RAG1: variants seen among roughly 807,000 people sequenced by gnomAD.
RAG1 encodes the protein recombination activating 1, also known as V(D)J recombination-activating protein 1.
A neutral mutation model predicts 62.7 loss-of-function variants in RAG1; 35 were observed. The ratio of observed to expected loss-of-function variants is 0.56; its 90% CI spans 0.43 to 0.74. The LOEUF is 0.74. Among genes scored for constraint, RAG1 ranks in the 30% least tolerant of loss-of-function variants. The pLI, the probability that RAG1 is intolerant of heterozygous loss-of-function variation, is 0.00. For synonymous variants in RAG1, 461 were observed against 470.3 expected (o/e 0.98, Z 0.26); for missense variants, 1,169 against 1,278.6 (o/e 0.91, Z 1.31).
At chr11:36,561,301 C>G (rs1040720015) in intron 3 of RAG1, among the ~76,000 whole-genome samples, 18 of 152,322 alleles carry the variant, frequency 1.2e-4, no homozygotes, top group African/African-American at 4.3e-4. Flanking sequence ...TCTCCTACAA[C>G]TTCCTTTTCC....
intron 2 of RAG1, among the ~76,000 whole-genome samples, chr11:36,524,566 C>T (rs985413511): frequency 1.3e-5 from 2 of 151,384 alleles, no homozygotes; most frequent in Non-Finnish European, 2.9e-5. Flanking sequence ...GTGCACACTG[C>T]AGGCTCCACC....
At chr11:36,542,632 C>T (rs936939638) in intron 3 of RAG1, among the ~76,000 whole-genome samples, 7 of 152,102 alleles carry the variant, frequency 4.6e-5, no homozygotes, top group African/African-American at 1.7e-4. Flanking sequence ...TCCCAGAAGA[C>T]AGGGAGAAGA....
rs765134146 is a variant in RAG1 at position 36,575,324 on chromosome 11, A to G, written c.2020A>G (p.Ile674Val). 2 of 1,614,090 alleles carry G rather than the reference A, an allele frequency of 1.2e-6. No individual in the cohort carries two copies. Among genetic ancestry groups the G allele is most frequent in the East Asian group, 2.2e-5 (1 of 44,890 alleles). Residue 674 changes from isoleucine to valine, a missense_variant, in exon 2 of 2, where the codon ATC becomes GTC. Transcript: ENST00000299440. The surrounding 1 kb of genome is among the most constrained non-coding windows in gnomAD (Gnocchi z 4.1). Reference sequence around the variant, plus strand: ...GTCTGACCACGAGACGCTGACTGCCATCCTGAGTCCTCTCATTGCTGAGAG... The same window carrying G: ...GTCTGACCACGAGACGCTGACTGCCGTCCTGAGTCCTCTCATTGCTGAGAG... Reference protein sequence around the residue: ...DESDHETLTAILSPLIAEREA... With the variant: ...DESDHETLTAVLSPLIAEREA...
chr11:36,519,861 CAAGAG>C (rs1860050982), intron 1 of RAG1, among the ~76,000 whole-genome samples: 1 of 152,008 alleles, frequency 6.6e-6, no homozygotes, highest in Admixed American at 6.6e-5. Context: ...AATTCACAGA[CAAGAG>C]AAAATAGTCA....
At chr11:36,511,780 C>A (rs1859926494) in intron 1 of RAG1, among the ~76,000 whole-genome samples, 1 of 152,098 alleles carries the variant, frequency 6.6e-6, no homozygotes, top group Non-Finnish European at 1.5e-5. Flanking sequence ...AAGAAAAGAT[C>A]ATTATATGAA....
intron 2 of RAG1, among the ~76,000 whole-genome samples, chr11:36,523,674 C>G (rs1860115270): frequency 6.6e-6 from 1 of 152,170 alleles, no homozygotes. Context: ...GGATGTTTGG[C>G]TTGGGCTTCC....
chr11:36,574,096 G>C lies in RAG1; in HGVS notation c.792G>C (p.Lys264Asn). 6.2e-7 allele frequency: 1 copy of C among 1,614,212 alleles called. No homozygotes were observed. Among genetic ancestry groups the C allele is most frequent in the Non-Finnish European group, 8.5e-7 (1 of 1,180,042 alleles). Reference sequence around the variant, plus strand: ...GGATCAGCAGCAAGGATGTCATGAAGAAGATCGCCAACTGCAGTAAGATAC... The same window carrying C: ...GGATCAGCAGCAAGGATGTCATGAACAAGATCGCCAACTGCAGTAAGATAC... ...QARISSKDVM[K>N]KIANCSKIHL... The change falls in exon 2 of 2, where the codon AAG (lysine) becomes AAC (asparagine). Residue 264 changes from lysine to asparagine, a missense_variant. Coordinates refer to ENST00000299440, the MANE Select transcript of RAG1 (RefSeq NM_000448.3).
At chr11:36,547,544 G>A (rs981326592) in intron 3 of RAG1, among the ~76,000 whole-genome samples, 71 of 152,064 alleles carry the variant, frequency 4.7e-4, no homozygotes, top group African/African-American at 1.7e-3. Flanking sequence ...ATAAATTCAT[G>A]GACACATATA....
chr11:36,562,275 C>A (rs771357462), intron 3 of RAG1, among the ~76,000 whole-genome samples: 20 of 152,122 alleles, frequency 1.3e-4, no homozygotes, highest in Non-Finnish European at 2.5e-4. Context: ...CTGAGAAAGA[C>A]TGTAAGAGGA....
At chr11:36,543,528 C>T (rs1299699149) in intron 3 of RAG1, among the ~76,000 whole-genome samples, 2 of 152,188 alleles carry the variant, frequency 1.3e-5, no homozygotes, top group African/African-American at 2.4e-5. Flanking sequence ...TCTGTTGTGG[C>T]ACTTACCCTG....
chr11:36,531,252 C>T (rs1347397293), intron 2 of RAG1, among the ~76,000 whole-genome samples: 1 of 151,874 alleles, frequency 6.6e-6, no homozygotes, highest in Non-Finnish European at 1.5e-5. Flanking sequence ...ATATGGACAA[C>T]ATATAGTTGA....
At position 36,568,378 on chromosome 11, in the gene RAG1, A is replaced by G. The variant is rs558492683; in HGVS notation, c.-15+256A>G. ...CTATTGTCAGAGGAAAGGTTTAAGG[A>G]GTGCTTCTTGAATGAATGTGTACAA... On this transcript the variant is annotated intron_variant, in intron 1 of 1. Transcript: ENST00000299440. Among the ~76,000 whole-genome samples, 71 of 152,316 alleles carry G rather than the reference A, an allele frequency of 4.7e-4. No homozygotes were observed. The South Asian group carries it at 0.014, about 31-fold the overall frequency.
At chr11:36,541,271 T>C (rs1388420786) in intron 3 of RAG1, among the ~76,000 whole-genome samples, 1 of 152,240 alleles carries the variant, frequency 6.6e-6, no homozygotes, top group Non-Finnish European at 1.5e-5. Flanking sequence ...CAGTGACAGA[T>C]GTGAAATGAC....
chr11:36,566,350 A>G (rs1378833896), upstream of RAG1: 1 of 152,254 alleles, frequency 6.6e-6, no homozygotes, highest in Non-Finnish European at 1.5e-5. Context: ...AGTTTTACAT[A>G]ACTTCCAAGT....
chr11:36,525,142 C>T (rs1860140632), intron 2 of RAG1, among the ~76,000 whole-genome samples: 1 of 151,562 alleles, frequency 6.6e-6, no homozygotes. Flanking sequence ...GCTCTAGTAC[C>T]ATTTGTTTAA....
intron 3 of RAG1, among the ~76,000 whole-genome samples, chr11:36,542,734 A>G (rs1850328054): frequency 6.6e-6 from 1 of 152,210 alleles, no homozygotes; most frequent in Non-Finnish European, 1.5e-5. Context: ...GCCGTGCCAC[A>G]TGCAGGCAAT....
intron 1 of RAG1, among the ~76,000 whole-genome samples, chr11:36,571,328 G>A (rs1850740352): frequency 6.6e-6 from 1 of 152,168 alleles, no homozygotes; most frequent in Admixed American, 6.5e-5. Flanking sequence ...GAAGTAAAAT[G>A]CTAAAGGAAT....
At position 36,574,475 on chromosome 11, in the gene RAG1, A is replaced by G; in HGVS notation, c.1171A>G (p.Lys391Glu). The change falls in exon 2 of 2, where the codon AAA becomes GAA. Residue 391 changes from lysine to glutamate, a missense_variant. Physicochemically the swap from Lys to Glu is moderately conservative, Grantham distance 56. Coordinates refer to ENST00000299440, the MANE Select transcript of RAG1 (RefSeq NM_000448.3). ...AAAAGAGATTTTTGTGCACATTAATAAAGGGGGCCGGCCCCGCCAACATCT... is the reference window on the plus strand; with the variant it reads ...AAAAGAGATTTTTGTGCACATTAATGAAGGGGGCCGGCCCCGCCAACATCT... ...ESKEIFVHIN[K>E]GGRPRQHLLS... 6.2e-7 allele frequency: 1 copy of G among 1,614,196 alleles called. No individual in the cohort carries two copies. The highest frequency in any genetic ancestry group is 8.5e-7 in the Non-Finnish European group (1 of 1,180,034).
In RAG1 at chr11:36,574,927, G is replaced by A. The variant is rs1301108258; in HGVS notation, c.1623G>A (p.Leu541=). The A allele has an allele frequency of 5.6e-6, 9 of 1,614,084 alleles. No homozygotes were observed. The Admixed American group carries it at 8.3e-5, about 15-fold the overall frequency. ...SSTDVGIIDG[L]SGLSSSVDDY... ...CTGATGTTGGCATTATTGATGGGCT[G>A]TCTGGACTATCATCCTCTGTGGATG... Residue 541 remains leucine (L), a synonymous_variant, in exon 2 of 2, where the codon CTG becomes CTA. Transcript: ENST00000299440.
Sources: gnomAD v4.1 joint callset for allele counts (sites outside exome capture counted in the v4.1 genomes callset) on GRCh38, gnomAD v4.1.1 for gene constraint, Gnocchi (gnomAD v3.1) non-coding constraint, MANE v1.5 for transcripts, NCBI Gene and HGNC (gene_info 2026-07-23, HGNC 2026-07-21) for gene names.